MTOR: variants seen among roughly 807,000 people sequenced by gnomAD.
The protein encoded by MTOR is mechanistic target of rapamycin kinase.
A neutral mutation model predicts 319.8 loss-of-function variants in MTOR; 70 were observed. That is an observed-to-expected ratio of 0.22 (90% CI 0.18 to 0.27). The LOEUF (loss-of-function observed/expected upper bound fraction) is 0.27. Ranked by LOEUF, MTOR falls within the 10% of genes least tolerant of loss-of-function variation. The pLI, the probability that MTOR is intolerant of heterozygous loss-of-function variation, is 1.00. For missense variants in MTOR, 1,890 were observed against 3,274.4 expected (o/e 0.58, Z 10.32); for synonymous variants, 1,183 against 1,211.4 (o/e 0.98, Z 0.49).
At chr1:11,249,462 G>T (rs935395971) in intron 6 of MTOR, among the ~76,000 whole-genome samples, 8 of 148,274 alleles carry the variant, frequency 5.4e-5, no homozygotes, top group African/African-American at 2.0e-4. Flanking sequence ...GGTGTTTCTC[G>T]CAGAGGGGGA....
At chr1:11,168,329 C>A (rs747647467) in intron 28 of MTOR, among the ~76,000 whole-genome samples, 2 of 151,972 alleles carry the variant, frequency 1.3e-5, no homozygotes, top group African/African-American at 2.4e-5. Context: ...CAGGTACACA[C>A]CACAGCACCT....
In MTOR at chr1:11,128,777, G is replaced by A. The variant is rs1050102215; in HGVS notation, c.5811+78C>T. ...TTAACACACACTGCCTTGTGACACT[G>A]AACACAGCATGCTTGTAAGAGGAGA... On this transcript the variant is annotated intron_variant, in intron 41 of 57. Transcript: ENST00000361445. This position sits in a 1 kb window ranked among gnomAD's most constrained non-coding sequence, Gnocchi z 5.3. The A allele has an allele frequency of 1.5e-6, 2 of 1,291,924 alleles. No homozygotes were observed. Among genetic ancestry groups the A allele is most frequent in the Non-Finnish European group, 2.2e-6 (2 of 899,498 alleles). The allele number at this position is 1,291,924 out of a possible 1,614,324, so 80.0% of individuals were successfully genotyped here.
At position 11,216,114 on chromosome 1, in the gene MTOR, C is replaced by T. The variant is rs545304092; in HGVS notation, c.3117+34G>A. The T allele has an allele frequency of 3.1e-4, 483 of 1,535,230 alleles. 7 individuals are homozygous for T. In the South Asian group the frequency reaches 5.1e-3, roughly 16 times the overall value. ...GCTTCTGAGCCTTCCTTGACCCAAA[C>T]ATGGAAGAGGCCAAAGCATTAACTT... On this transcript the variant is annotated intron_variant, in intron 20 of 57. Transcript: ENST00000361445.
chr1:11,247,147 C>A (rs1406465222), intron 8 of MTOR, among the ~76,000 whole-genome samples: 2 of 152,182 alleles, frequency 1.3e-5, no homozygotes, highest in African/African-American at 4.8e-5. Context: ...ACATTTACAG[C>A]TGGAGCAATC....
chr1:11,191,753 G>A (rs1645541150), intron 28 of MTOR, among the ~76,000 whole-genome samples: 1 of 152,158 alleles, frequency 6.6e-6, no homozygotes, highest in Admixed American at 6.5e-5. Flanking sequence ...GGGAAAATAT[G>A]TGATAATAAA....
rs765198907 is a variant in MTOR at position 11,134,345 on chromosome 1, C to A, written c.5246+6G>T. 15 of 1,613,246 alleles carry A rather than the reference C, an allele frequency of 9.3e-6. No individual in the cohort carries two copies. Among genetic ancestry groups the A allele is most frequent in the Non-Finnish European group, 1.3e-5 (15 of 1,179,610 alleles). On this transcript the variant is annotated splice_donor_region_variant and intron_variant, in intron 37 of 57. Transcript: ENST00000361445. ...ATGACTTGCCCCAGGTCAGTGGGGACCTCACCGGGCCATGAGCTTGTGCAG... is the reference window on the plus strand; with the variant it reads ...ATGACTTGCCCCAGGTCAGTGGGGAACTCACCGGGCCATGAGCTTGTGCAG...
Position 11,107,129 on chromosome 1 carries a change from G to A in MTOR, c.*356C>T, listed in dbSNP as rs1641617390. 1 of 1,378,754 alleles carries A rather than the reference G, an allele frequency of 7.3e-7. No homozygotes were observed. The highest frequency in any genetic ancestry group is 9.6e-7 in the Non-Finnish European group (1 of 1,044,670). 85.4% of individuals were successfully genotyped at this position (1,378,754 alleles called of 1,614,324 possible). ...TACCCATGTTGAGAGGAGCAACTAG[G>A]TCATTCTTCCATCAGCAAGTACTTA... On this transcript the variant is annotated 3_prime_UTR_variant, in exon 58 of 58. Transcript: ENST00000361445.
rs181847713 is a variant in MTOR, at chr1:11,205,520, T to A, written c.3802-817A>T. 3.3e-5 allele frequency among the ~76,000 whole-genome samples: 5 copies of A among 152,348 alleles called. No individual in the cohort carries two copies. The East Asian group carries it at 9.6e-4, about 29-fold the overall frequency. ...AATGTAATGAATTTATAACAGTGCT[T>A]GGCACAAAGTTAGTACTATTTGCCT... On this transcript the variant is annotated intron_variant, in intron 25 of 57. Coordinates refer to ENST00000361445, the MANE Select transcript of MTOR (RefSeq NM_004958.4).
At chr1:11,202,384 G>GCAC (rs1326341425) in intron 26 of MTOR, among the ~76,000 whole-genome samples, 1 of 126,480 alleles carries the variant, frequency 7.9e-6, no homozygotes, top group Admixed American at 1.1e-4. Context: ...TCGCGCCACT[G>GCAC]CACTCCAGCC....
At chr1:11,186,310 C>A (rs1200366621) in intron 28 of MTOR, among the ~76,000 whole-genome samples, 4 of 152,132 alleles carry the variant, frequency 2.6e-5, no homozygotes, top group African/African-American at 9.7e-5. Context: ...ATGCTCCTCT[C>A]TGGATAGAAG....
At chr1:11,194,963 A>T in intron 28 of MTOR, 1 of 1,614,094 alleles carries the variant, frequency 6.2e-7, no homozygotes, top group South Asian at 1.1e-5. Context: ...GCTGGCATGG[A>T]TCTACCTACT....
chr1:11,233,748 G>A (rs529227596), intron 14 of MTOR, among the ~76,000 whole-genome samples: 220 of 152,274 alleles, frequency 1.4e-3, no homozygotes, highest in African/African-American at 5.2e-3. Flanking sequence ...CTCAGTGATT[G>A]TTCATCCAGA....
chr1:11,180,012 A>G (rs1645097125), intron 28 of MTOR, among the ~76,000 whole-genome samples: 1 of 152,170 alleles, frequency 6.6e-6, no homozygotes. Flanking sequence ...CCTGGACTCA[A>G]GTGATCCTCC....
intron 28 of MTOR, among the ~76,000 whole-genome samples, chr1:11,191,158 A>T (rs772043107): frequency 1.3e-5 from 2 of 152,150 alleles, no homozygotes; most frequent in Non-Finnish European, 2.9e-5. Flanking sequence ...CCATCCTGCA[A>T]GGAGGTTCTT....
chr1:11,199,398 G>C lies in MTOR; in HGVS notation c.4113C>G (p.Pro1371=), dbSNP rs2100744490. 1 of 1,614,142 alleles carries C rather than the reference G, an allele frequency of 6.2e-7. No homozygotes were observed. The highest frequency in any genetic ancestry group is 8.5e-7 in the Non-Finnish European group (1 of 1,180,032). Reference sequence around the variant, plus strand: ...TGCCATTGTCATCTCTCAGTGGCAGGGGGCCCTGGAGAAGAGCAAAACCTC... The same window carrying C: ...TGCCATTGTCATCTCTCAGTGGCAGCGGGCCCTGGAGAAGAGCAAAACCTC... ...AEFMEHSDKG[P]LPLRDDNGIV... is the part of the protein sequence containing the mutation. Residue 1371 remains proline, a synonymous_variant, in exon 28 of 58, where the codon CCC becomes CCG. Coordinates refer to ENST00000361445, the MANE Select transcript of MTOR (RefSeq NM_004958.4). This position sits in a 1 kb window ranked among gnomAD's most constrained non-coding sequence, Gnocchi z 4.5.
chr1:11,213,849 G>A (rs946584183), intron 20 of MTOR, among the ~76,000 whole-genome samples: 1 of 152,204 alleles, frequency 6.6e-6, no homozygotes, highest in Non-Finnish European at 1.5e-5. Flanking sequence ...GCTCAGCTAA[G>A]CCCTGTCTGT....
chr1:11,176,133 C>A (rs186839218), intron 28 of MTOR, among the ~76,000 whole-genome samples: 1 of 152,296 alleles, frequency 6.6e-6, no homozygotes, highest in Admixed American at 6.5e-5. Context: ...TGACCCACAG[C>A]AAAGCAGTCT....
At chr1:11,148,830 G>A (rs1379456162) in intron 31 of MTOR, among the ~76,000 whole-genome samples, 1 of 152,018 alleles carries the variant, frequency 6.6e-6, no homozygotes. Context: ...CCCGGGAGGC[G>A]GAGGTTGCAG....
At chr1:11,200,831 T>C (rs146670714) in intron 26 of MTOR, among the ~76,000 whole-genome samples, 1,528 of 151,866 alleles carry the variant, frequency 0.01, 20 homozygotes, top group African/African-American at 0.03. Flanking sequence ...CTGGCTAACA[T>C]GGTGAAACCC....
Sources: allele counts gnomAD v4.1 joint callset (sites outside exome capture counted in the v4.1 genomes callset), GRCh38; gene constraint gnomAD v4.1.1; non-coding constraint Gnocchi (gnomAD v3.1); transcripts MANE v1.5; gene names NCBI Gene and HGNC (gene_info 2026-07-23, HGNC 2026-07-21).